Variants in DLC1 observed in about 807,000 individuals in gnomAD.
The protein encoded by DLC1 is rho GTPase-activating protein 7.
A neutral mutation model predicts 140.3 loss-of-function variants in DLC1; 54 were observed. The ratio of observed to expected loss-of-function variants is 0.38; its 90% confidence interval spans 0.31 to 0.48. The LOEUF is 0.48. Among genes scored for constraint, DLC1 ranks in the 20% least tolerant of loss-of-function variants. DLC1 has a pLI of 0.96. For missense variants in DLC1, 2,536 were observed against 1,907.0 expected (o/e 1.33, Z -6.14); for synonymous variants, 986 against 728.1 (o/e 1.35, Z -5.70).
chr8:13,321,443 C>T (rs377748675), intron 4 of DLC1, among the ~76,000 whole-genome samples: 2 of 140,360 alleles, frequency 1.4e-5, no homozygotes, highest in East Asian at 4.7e-4. Context: ...GAGGCTGAGG[C>T]AGGAGAATCG....
intron 1 of DLC1, among the ~76,000 whole-genome samples, chr8:13,531,986 C>G (rs1035643414): frequency 4.6e-5 from 7 of 152,328 alleles, no homozygotes; most frequent in African/African-American, 1.4e-4. Flanking sequence ...GCTCCCGGCA[C>G]AAGGAAAGAT....
intron 5 of DLC1, among the ~76,000 whole-genome samples, chr8:13,211,510 A>G (rs62494903): frequency 0.41 from 61,627 of 152,096 alleles, 13,871 homozygotes; most frequent in East Asian, 0.84. Flanking sequence ...CTAAGCCCCA[A>G]CTTTGGGGTT....
intron 5 of DLC1, among the ~76,000 whole-genome samples, chr8:13,209,121 C>G (rs1051610548): frequency 6.6e-6 from 1 of 152,062 alleles, no homozygotes; most frequent in Non-Finnish European, 1.5e-5. Flanking sequence ...ATAAAAAGAT[C>G]TTTGGACTGG....
At chr8:13,522,643 CAAAT>C (rs1001062884) in intron 1 of DLC1, among the ~76,000 whole-genome samples, 7 of 151,394 alleles carry the variant, frequency 4.6e-5, no homozygotes, top group African/African-American at 1.2e-4. Context: ...AATAAATAAA[CAAAT>C]AAATAAATAT....
chr8:13,331,424 C>T (rs1833583582), intron 4 of DLC1, among the ~76,000 whole-genome samples: 2 of 152,108 alleles, frequency 1.3e-5, no homozygotes, highest in African/African-American at 2.4e-5. Context: ...ATAAAGGCAA[C>T]ACTCCAAAGA....
intron 5 of DLC1, among the ~76,000 whole-genome samples, chr8:13,121,507 C>T (rs906625713): frequency 2.6e-5 from 4 of 152,128 alleles, no homozygotes; most frequent in African/African-American, 9.7e-5. Context: ...ATCTTGGTGA[C>T]TCCCAGCCCT....
chr8:13,392,966 A>C (rs1021225229), intron 4 of DLC1, among the ~76,000 whole-genome samples: 5 of 152,224 alleles, frequency 3.3e-5, no homozygotes, highest in Non-Finnish European at 4.4e-5. Flanking sequence ...TAATTCCCAC[A>C]GAAAATGTTT....
At chr8:13,119,576 G>C (rs796188926) in intron 5 of DLC1, among the ~76,000 whole-genome samples, 9 of 152,242 alleles carry the variant, frequency 5.9e-5, no homozygotes, top group African/African-American at 2.2e-4. Context: ...ACCTCACATT[G>C]ATCCTAAAAT....
At chr8:13,510,358 G>A (rs1444086083) in intron 1 of DLC1, among the ~76,000 whole-genome samples, 1 of 151,960 alleles carries the variant, frequency 6.6e-6, no homozygotes, top group African/African-American at 2.4e-5. Context: ...TGTATTTTCA[G>A]GAGAGATGGG....
intron 4 of DLC1, among the ~76,000 whole-genome samples, chr8:13,329,308 T>C (rs1374554867): frequency 6.6e-6 from 1 of 152,150 alleles, no homozygotes; most frequent in East Asian, 1.9e-4. Flanking sequence ...AAGACATACA[T>C]TCATAGAAAA....
At chr8:13,135,012 G>C (rs557616604) in intron 5 of DLC1, among the ~76,000 whole-genome samples, 74 of 152,204 alleles carry the variant, frequency 4.9e-4, no homozygotes, top group African/African-American at 1.5e-3. Context: ...AGGAAATGGA[G>C]ATCTGATCTG....
intron 5 of DLC1, among the ~76,000 whole-genome samples, chr8:13,179,107 T>C (rs1825904858): frequency 2.6e-5 from 4 of 152,194 alleles, no homozygotes; most frequent in Admixed American, 1.3e-4. Flanking sequence ...ACAGACATGC[T>C]TCAACTTTGC....
intron 2 of DLC1, among the ~76,000 whole-genome samples, chr8:13,414,422 C>T (rs1406576066): frequency 6.6e-6 from 1 of 152,188 alleles, no homozygotes; most frequent in Non-Finnish European, 1.5e-5. Context: ...GACCATCACT[C>T]TCAATATGTT....
intron 1 of DLC1, among the ~76,000 whole-genome samples, chr8:13,525,618 G>T (rs931468398): frequency 6.6e-6 from 1 of 152,082 alleles, no homozygotes; most frequent in Non-Finnish European, 1.5e-5. Flanking sequence ...ATGCGTATTT[G>T]TCAGCATATA....
intron 5 of DLC1, among the ~76,000 whole-genome samples, chr8:13,159,605 T>C (rs1422240098): frequency 6.6e-6 from 1 of 152,012 alleles, no homozygotes; most frequent in Non-Finnish European, 1.5e-5. Context: ...GGCTTTCCTC[T>C]CCCCATACCC....
chr8:13,481,347 A>C (rs1269244298), intron 2 of DLC1, among the ~76,000 whole-genome samples: 1 of 152,148 alleles, frequency 6.6e-6, no homozygotes. Flanking sequence ...GAATCACCTG[A>C]GTCTGGGAAG....
intron 5 of DLC1, among the ~76,000 whole-genome samples, chr8:13,286,811 G>T (rs539395591): frequency 5.3e-5 from 8 of 151,522 alleles, no homozygotes; most frequent in Admixed American, 2.0e-4. Flanking sequence ...CAAGTGAGGA[G>T]AAGAAGGAAA....
chr8:13,545,372 C>A (rs956412037), intron 1 of DLC1, among the ~76,000 whole-genome samples: 1 of 151,528 alleles, frequency 6.6e-6, no homozygotes, highest in African/African-American at 2.4e-5. Flanking sequence ...ACTTGGAAAG[C>A]TCCAGCTGCA....
At chr8:13,598,254 A>G (rs1376142498) in intron 1 of DLC1, among the ~76,000 whole-genome samples, 5 of 152,104 alleles carry the variant, frequency 3.3e-5, no homozygotes, top group African/African-American at 1.2e-4. Context: ...ATTTTTGTAA[A>G]TATGTAAGAG....
Sources: allele counts gnomAD v4.1 joint callset (sites outside exome capture counted in the v4.1 genomes callset), GRCh38; gene constraint gnomAD v4.1.1; transcripts MANE v1.5; gene names NCBI Gene and HGNC (gene_info 2026-07-23, HGNC 2026-07-21).